TMEM196: variants seen among roughly 807,000 people sequenced by gnomAD.
The protein encoded by TMEM196 is transmembrane protein 196.
Under a neutral mutation model 20.0 loss-of-function variants are expected in TMEM196, and 17 were observed. The ratio of observed to expected loss-of-function variants is 0.85; its 90% CI spans 0.58 to 1.27. TMEM196 has a LOEUF of 1.27. TMEM196 is among the 50% of genes most tolerant of loss of function. The pLI, the probability that TMEM196 is intolerant of heterozygous loss-of-function variation, is 0.00. For missense variants in TMEM196, 267 were observed against 223.0 expected, an observed-to-expected ratio of 1.20 and a Z score of -1.26; for synonymous variants, 113 against 88.9, an observed-to-expected ratio of 1.27 and a Z score of -1.52.
intron 1 of TMEM196, among the ~76,000 whole-genome samples, chr7:19,759,516 A>C (rs952745491): frequency 7.9e-5 from 12 of 151,942 alleles, no homozygotes; most frequent in African/African-American, 2.9e-4. Flanking sequence ...TTTCTTCTGA[A>C]CTCTAGACCT....
chr7:19,740,562 G>T (rs999549022), intron 1 of TMEM196, among the ~76,000 whole-genome samples: 1 of 152,050 alleles, frequency 6.6e-6, no homozygotes, highest in African/African-American at 2.4e-5. Flanking sequence ...AAGATTCATT[G>T]TTATTCAGTT....
chr7:19,766,020 C>T (rs1369400138), intron 1 of TMEM196, among the ~76,000 whole-genome samples: 1 of 152,162 alleles, frequency 6.6e-6, no homozygotes, highest in African/African-American at 2.4e-5. Flanking sequence ...GCTCACTGAT[C>T]TCTTACTCTA....
intron 1 of TMEM196, among the ~76,000 whole-genome samples, chr7:19,767,185 T>C (rs1183196515): frequency 3.3e-5 from 5 of 152,074 alleles, no homozygotes; most frequent in East Asian, 1.9e-4. Flanking sequence ...AAGAAATTCA[T>C]GAAATAAAGA....
chr7:19,772,401 T>A (rs979154931), intron 1 of TMEM196, 149 bp downstream of exon 1: 1 of 809,634 alleles, frequency 1.2e-6, no homozygotes, highest in Non-Finnish European at 1.7e-6. Flanking sequence ...TAAAGAAGCA[T>A]AGCTTGTCAG....
chr7:19,755,820 G>T (rs1369106287), intron 1 of TMEM196, among the ~76,000 whole-genome samples: 2 of 152,194 alleles, frequency 1.3e-5, no homozygotes, highest in Non-Finnish European at 2.9e-5. Context: ...CTTGCAGCCA[G>T]TAGTTTGAGA....
At chr7:19,761,749 C>A (rs118114268) in intron 1 of TMEM196, among the ~76,000 whole-genome samples, 1 of 152,124 alleles carries the variant, frequency 6.6e-6, no homozygotes, top group Non-Finnish European at 1.5e-5. Context: ...GAATAAATTT[C>A]GGAAGAAATC....
intron 1 of TMEM196, among the ~76,000 whole-genome samples, chr7:19,738,941 G>C (rs1008407417): frequency 4.6e-5 from 7 of 152,074 alleles, no homozygotes; most frequent in African/African-American, 1.7e-4. Context: ...ATATGGGAAA[G>C]GAGAAAAAAG....
intron 1 of TMEM196, among the ~76,000 whole-genome samples, chr7:19,731,708 C>G (rs1385970410): frequency 2.0e-5 from 3 of 152,158 alleles, no homozygotes; most frequent in Admixed American, 6.5e-5. Flanking sequence ...CTCCATCCAA[C>G]CATTTGGTTA....
At chr7:19,757,173 T>C (rs1162122655) in intron 1 of TMEM196, among the ~76,000 whole-genome samples, 1 of 126,446 alleles carries the variant, frequency 7.9e-6, no homozygotes, top group Non-Finnish European at 1.6e-5. Flanking sequence ...TTGCAGTAGA[T>C]ACTTTTTTTT....
At chr7:19,756,448 T>C (rs779253091) in intron 1 of TMEM196, among the ~76,000 whole-genome samples, 1 of 152,014 alleles carries the variant, frequency 6.6e-6, no homozygotes, top group African/African-American at 2.4e-5. Flanking sequence ...TGGTTTGTGG[T>C]ATAAATTATT....
chr7:19,738,332 A>G (rs575299680), intron 1 of TMEM196, among the ~76,000 whole-genome samples: 1 of 152,248 alleles, frequency 6.6e-6, no homozygotes, highest in African/African-American at 2.4e-5. Context: ...TGTAGGTATC[A>G]GTATTAAGCA....
chr7:19,744,241 T>C (rs761953322), intron 1 of TMEM196, among the ~76,000 whole-genome samples: 15 of 152,222 alleles, frequency 9.9e-5, no homozygotes, highest in Non-Finnish European at 5.9e-5. Context: ...TAACTCTTTT[T>C]CTAGCCTTTC....
Position 19,725,716 on chromosome 7 carries a change from T to A in TMEM196, c.257A>T (p.Asn86Ile). 1 of 1,613,052 alleles carries A rather than the reference T, an allele frequency of 6.2e-7. No individual in the cohort carries two copies. The highest frequency in any genetic ancestry group is 8.5e-7 in the Non-Finnish European group (1 of 1,179,194). Residue 86 changes from asparagine (N) to isoleucine (I), a missense_variant, in exon 3 of 5, where the codon AAT becomes ATT. Asn to Ile is a moderately radical substitution (Grantham distance 149). Transcript: ENST00000405844. ...TGTGACTGCCCGGAGGAACTGAAAA[T>A]TCAGGATGCCCCCAATAAGTCCACA... ...CICGLIGGIL[N>I]FQFLRAVTKK...
In TMEM196 at chr7:19,719,960, A is replaced by C. The variant is rs1450700421; in HGVS notation, c.*2168T>G. On this transcript the variant is annotated 3_prime_UTR_variant, in exon 5 of 5. Coordinates refer to ENST00000405844, the MANE Select transcript of TMEM196 (RefSeq NM_001363562.2). Reference sequence around the variant, plus strand: ...CATTACAACATTTTTCTGATGTATTATAATTTTGTATTGAACAAGCATGTT... The same window carrying C: ...CATTACAACATTTTTCTGATGTATTCTAATTTTGTATTGAACAAGCATGTT... 1 of 152,060 alleles carries C rather than the reference A, an allele frequency of 6.6e-6. No individual in the cohort carries two copies. The highest frequency in any genetic ancestry group is 2.4e-5 in the African/African-American group (1 of 41,442). The allele number at this position is 152,060 out of a possible 1,614,324, so 9.4% of individuals were successfully genotyped here.
chr7:19,730,094 A>C (rs1218348497), intron 1 of TMEM196, among the ~76,000 whole-genome samples: 2 of 151,912 alleles, frequency 1.3e-5, no homozygotes, highest in Admixed American at 1.3e-4. Flanking sequence ...GTCTCTACTA[A>C]AAATACAAAA....
chr7:19,768,704 G>T (rs1357045717), intron 1 of TMEM196, among the ~76,000 whole-genome samples: 1 of 152,030 alleles, frequency 6.6e-6, no homozygotes, highest in Non-Finnish European at 1.5e-5. Context: ...GAATCAAGAA[G>T]AAACAAAAAT....
At chr7:19,733,728 G>A (rs987921799) in intron 1 of TMEM196, among the ~76,000 whole-genome samples, 3 of 151,680 alleles carry the variant, frequency 2.0e-5, no homozygotes, top group South Asian at 2.1e-4. Context: ...ATGCCTATAC[G>A]AAGTAGAGGA....
At chr7:19,757,244 G>T (rs958692251) in intron 1 of TMEM196, among the ~76,000 whole-genome samples, 2 of 148,576 alleles carry the variant, frequency 1.3e-5, no homozygotes, top group African/African-American at 2.5e-5. Flanking sequence ...CGCAATCTTG[G>T]CTCACTGCAA....
chr7:19,724,210 G>T, intron 4 of TMEM196, 70 bp downstream of exon 4: 2 of 1,349,466 alleles, frequency 1.5e-6, no homozygotes, highest in Non-Finnish European at 2.1e-6. Context: ...TTGACATCAT[G>T]GCTTTCTGGA....
Sources: gnomAD v4.1 joint callset for allele counts (sites outside exome capture counted in the v4.1 genomes callset) on GRCh38, gnomAD v4.1.1 for gene constraint, MANE v1.5 for transcripts, NCBI Gene and HGNC (gene_info 2026-07-23, HGNC 2026-07-21) for gene names.